SRCIN1: variants seen among roughly 807,000 people sequenced by gnomAD.
The protein encoded by SRCIN1 is P130Cas-associated protein.
A neutral mutation model predicts 116.2 loss-of-function variants in SRCIN1; 50 were observed. The ratio of observed to expected loss-of-function variants is 0.43; its 90% CI spans 0.34 to 0.54. The LOEUF is 0.54. Ranked by LOEUF, SRCIN1 falls within the 20% of genes least tolerant of loss-of-function variation. The probability of loss-of-function intolerance (pLI) is 0.02; values close to 1 mark genes in which losing one functional copy is unlikely to be tolerated. For missense variants in SRCIN1, 1,446 were observed against 1,672.0 expected (o/e 0.86, Z 2.36); for synonymous variants, 736 against 750.0 (o/e 0.98, Z 0.30).
In SRCIN1 at chr17:38,604,969, G is replaced by A. The variant is rs1909280191; in HGVS notation, c.22+715C>T. ...CCCTCCCTAAACCCCTCCCTCTCGT[G>A]GCCCTCCCTACCCGCTGGTAGAGCG... On this transcript the variant is annotated intron_variant, in intron 1 of 18. Transcript: ENST00000617146. This position sits in a 1 kb window ranked among gnomAD's most constrained non-coding sequence, Gnocchi z 4.3. Among the ~76,000 whole-genome samples the A allele has an allele frequency of 6.6e-6, 1 of 151,840 alleles. No homozygotes were observed. Among genetic ancestry groups the A allele is most frequent in the South Asian group, 2.1e-4 (1 of 4,822 alleles).
At position 38,562,313 on chromosome 17, in the gene SRCIN1, C is replaced by T; in HGVS notation, c.850G>A (p.Ala284Thr). The change falls in exon 7 of 19, where the codon GCA becomes ACA. Residue 284 changes from alanine to threonine, a missense_variant. Physicochemically the swap from Ala to Thr is moderately conservative, Grantham distance 58. Coordinates refer to ENST00000617146, the MANE Select transcript of SRCIN1 (RefSeq NM_025248.3). This position sits in a 1 kb window ranked among gnomAD's most constrained non-coding sequence, Gnocchi z 4.2. ...NGDLRREMVYASRESSPTRRL... is the reference protein window; with the variant it reads ...NGDLRREMVYTSRESSPTRRL... ...CGCGTGGGCGAGGACTCCCGCGATG[C>T]GTACACCATCTCTCTCTGCGCAGAA... The T allele has an allele frequency of 6.8e-7, 1 of 1,475,400 alleles. No individual in the cohort carries two copies. Among genetic ancestry groups the T allele is most frequent in the Non-Finnish European group, 8.9e-7 (1 of 1,122,116 alleles). 91.4% of individuals were successfully genotyped at this position (1,475,400 alleles called of 1,614,324 possible).
In SRCIN1 at chr17:38,562,630, T is replaced by G. The variant is rs1467444868; in HGVS notation, c.834+197A>C. Reference sequence around the variant, plus strand: ...AGGGCTTAGAATATCTGGAGGCAAGTTAGCAAAATCCCGAGTGGACAGGCC... The same window carrying G: ...AGGGCTTAGAATATCTGGAGGCAAGGTAGCAAAATCCCGAGTGGACAGGCC... On this transcript the variant is annotated intron_variant, in intron 6 of 18. Transcript: ENST00000617146. This position sits in a 1 kb window ranked among gnomAD's most constrained non-coding sequence, Gnocchi z 4.2. Among the ~76,000 whole-genome samples the G allele has an allele frequency of 6.6e-6, 1 of 152,154 alleles. No homozygotes were observed. Among genetic ancestry groups the G allele is most frequent in the Non-Finnish European group, 1.5e-5 (1 of 68,012 alleles).
At chr17:38,597,480 G>T (rs191904420) in intron 1 of SRCIN1, among the ~76,000 whole-genome samples, 14 of 152,322 alleles carry the variant, frequency 9.2e-5, no homozygotes, top group African/African-American at 3.4e-4. Flanking sequence ...ACTATTTATT[G>T]AATGTCTACT....
rs1906446298 is a variant in SRCIN1, at chr17:38,563,602, G to A, written c.542-81C>T. On this transcript the variant is annotated intron_variant, in intron 4 of 18. Transcript: ENST00000617146. The surrounding 1 kb of genome is among the most constrained non-coding windows in gnomAD (Gnocchi z 5.8). ...AGGAGAGCGCGGGGAGCTTTTCGGA[G>A]CTGCGCCAGCCCCGCAGCGGCAGGG... The A allele has an allele frequency of 6.6e-7, 1 of 1,513,266 alleles. No individual in the cohort carries two copies. Among genetic ancestry groups the A allele is most frequent in the Non-Finnish European group, 8.9e-7 (1 of 1,125,948 alleles). The allele number at this position is 1,513,266 out of a possible 1,614,324, so 93.7% of individuals were successfully genotyped here.
chr17:38,547,845 TG>T (rs1378203299), intron 17 of SRCIN1: 10 of 73,998 alleles, frequency 1.4e-4, no homozygotes, highest in Admixed American at 2.1e-4. Context: ...CGGCGGGGCG[TG>T]GGGGGGAGGG....
rs1416665094 is a variant in SRCIN1 at position 38,530,952 on chromosome 17, C to T, written c.*2345G>A. 2 of 152,308 alleles carry T rather than the reference C, an allele frequency of 1.3e-5. No individual in the cohort carries two copies. Among genetic ancestry groups the T allele is most frequent in the Non-Finnish European group, 2.9e-5 (2 of 68,070 alleles). The allele number at this position is 152,308 out of a possible 1,614,324, so 9.4% of individuals were successfully genotyped here. A position where few individuals can be genotyped will look rare whatever the true frequency, so the allele number is the denominator to read the frequency against. ...TGTGCCAGCACACACACAGGCTGCA[C>T]GCAATTCCACACGGATGCCTCCCAG... On this transcript the variant is annotated 3_prime_UTR_variant, in exon 19 of 19. Coordinates refer to ENST00000617146, the MANE Select transcript of SRCIN1 (RefSeq NM_025248.3).
chr17:38,541,902 A>G, intron 18 of SRCIN1: 1 of 152,654 alleles, frequency 6.6e-6, no homozygotes, highest in Non-Finnish European at 1.5e-5. Context: ...GTGAGCTGAG[A>G]TCACACCACT....
At chr17:38,537,140 T>C (rs1192285974) in intron 18 of SRCIN1, among the ~76,000 whole-genome samples, 6 of 151,584 alleles carry the variant, frequency 4.0e-5, no homozygotes, top group Non-Finnish European at 8.8e-5. Flanking sequence ...ATCGCACCAC[T>C]GCACTCCAGC....
rs1906444538 is a variant in SRCIN1 at position 38,563,588 on chromosome 17, G to A, written c.542-67C>T. 4 of 1,533,950 alleles carry A rather than the reference G, an allele frequency of 2.6e-6. No homozygotes were observed. The African/African-American group carries it at 4.1e-5, about 16-fold the overall frequency. ...CCACGCCGCCCTCCAGGAGAGCGCG[G>A]GGAGCTTTTCGGAGCTGCGCCAGCC... On this transcript the variant is annotated intron_variant, in intron 4 of 18. Coordinates refer to ENST00000617146, the MANE Select transcript of SRCIN1 (RefSeq NM_025248.3). The surrounding 1 kb of genome is among the most constrained non-coding windows in gnomAD (Gnocchi z 5.8).
chr17:38,561,681 G>A lies in SRCIN1; in HGVS notation c.1482C>T (p.Pro494=). Residue 494 remains proline, a synonymous_variant, in exon 7 of 19, where the codon CCC becomes CCT. Coordinates refer to ENST00000617146, the MANE Select transcript of SRCIN1 (RefSeq NM_025248.3). ...PPGGPPPPHS[P]YSGPPSRGSP... is the part of the protein sequence containing the mutation. ...AGCCGCGGCTGGGCGGCCCCGAGTAGGGGCTGTGCGGTGGCGGGGGACCTC... is the reference window on the plus strand; with the variant it reads ...AGCCGCGGCTGGGCGGCCCCGAGTAAGGGCTGTGCGGTGGCGGGGGACCTC... The A allele has an allele frequency of 6.4e-7, 1 of 1,554,280 alleles. No homozygotes were observed. Among genetic ancestry groups the A allele is most frequent in the Non-Finnish European group, 8.7e-7 (1 of 1,153,372 alleles).
chr17:38,606,895 C>A (rs1334460185), upstream of SRCIN1, among the ~76,000 whole-genome samples: 1 of 152,234 alleles, frequency 6.6e-6, no homozygotes, highest in Non-Finnish European at 1.5e-5. This position sits in a 1 kb window ranked among gnomAD's most constrained non-coding sequence, Gnocchi z 5.2. Flanking sequence ...CTCTCTCAAG[C>A]TTTCTTGCGG....
At chr17:38,581,040 GC>G (rs1907764655) in intron 1 of SRCIN1, among the ~76,000 whole-genome samples, 1 of 151,910 alleles carries the variant, frequency 6.6e-6, no homozygotes, top group African/African-American at 2.4e-5. Flanking sequence ...TTGCTATGTT[GC>G]CCAGGCTGGT....
intron 1 of SRCIN1, among the ~76,000 whole-genome samples, chr17:38,595,364 C>G (rs944387523): frequency 6.6e-6 from 1 of 152,132 alleles, no homozygotes; most frequent in Non-Finnish European, 1.5e-5. Flanking sequence ...ATTACAGACA[C>G]CCGCCACCAC....
At chr17:38,551,829 T>C (rs751811591) in intron 14 of SRCIN1, 57 bp downstream of exon 14, 2 of 1,607,712 alleles carry the variant, frequency 1.2e-6, no homozygotes, top group African/African-American at 1.3e-5. Context: ...GGAAGGATGG[T>C]CGTAAGAATG....
intron 7 of SRCIN1, among the ~76,000 whole-genome samples, 173 bp downstream of exon 7, chr17:38,561,290 C>T (rs1041945844): frequency 2.0e-5 from 3 of 152,194 alleles, no homozygotes; most frequent in Non-Finnish European, 4.4e-5. Flanking sequence ...CTCTCCAATG[C>T]CCTCTCTGCC....
chr17:38,578,686 C>A lies in SRCIN1; in HGVS notation c.128G>T (p.Arg43Leu). The A allele has an allele frequency of 6.5e-7, 1 of 1,542,548 alleles. No individual in the cohort carries two copies. Among genetic ancestry groups the A allele is most frequent in the African/African-American group, 1.4e-5 (1 of 73,066 alleles). Reference protein sequence around the residue: ...GGGGGGSGGRRFSNVGLVHTS... With the variant: ...GGGGGGSGGRLFSNVGLVHTS... ...GTGCACCAGCCCCACGTTGGAGAAGCGCCGGCCCCCGCTGCCCCCGCCGCC... is the reference window on the plus strand; with the variant it reads ...GTGCACCAGCCCCACGTTGGAGAAGAGCCGGCCCCCGCTGCCCCCGCCGCC... Residue 43 changes from arginine to leucine, a missense_variant, in exon 2 of 19, where the codon CGC becomes CTC. Coordinates refer to ENST00000617146, the MANE Select transcript of SRCIN1 (RefSeq NM_025248.3).
At chr17:38,554,877 T>C (rs1905685518) in intron 11 of SRCIN1, among the ~76,000 whole-genome samples, 1 of 152,210 alleles carries the variant, frequency 6.6e-6, no homozygotes, top group Admixed American at 6.5e-5. Context: ...CAAACAACTT[T>C]TGAATTTCAG....
In SRCIN1 at chr17:38,564,401, G is replaced by A; in HGVS notation, c.346-88C>T. The A allele has an allele frequency of 2.2e-6, 3 of 1,368,472 alleles. No homozygotes were observed. In the South Asian group the frequency reaches 4.3e-5, roughly 20 times the overall value. The allele number at this position is 1,368,472 out of a possible 1,614,324, so 84.8% of individuals were successfully genotyped here. ...CACTGCCCATATCCAGGCCTGGGAA[G>A]GTCCTGCCAGCCAGCGACACCCACA... On this transcript the variant is annotated intron_variant, in intron 3 of 18. Coordinates refer to ENST00000617146, the MANE Select transcript of SRCIN1 (RefSeq NM_025248.3).
At chr17:38,560,257 C>A in intron 8 of SRCIN1, 76 bp downstream of exon 8, 1 of 1,481,030 alleles carries the variant, frequency 6.8e-7, no homozygotes, top group African/African-American at 1.4e-5. Flanking sequence ...GAGACACTGG[C>A]AGAGCCGATG....
Sources: allele counts gnomAD v4.1 joint callset (sites outside exome capture counted in the v4.1 genomes callset), GRCh38; gene constraint gnomAD v4.1.1; non-coding constraint Gnocchi (gnomAD v3.1); transcripts MANE v1.5; gene names NCBI Gene and HGNC (gene_info 2026-07-23, HGNC 2026-07-21).